Variants in SLC2A5 observed in about 807,000 individuals in gnomAD.
SLC2A5 encodes the protein solute carrier family 2 member 5.
SLC2A5 carries 56 observed loss-of-function variants against 50.3 expected under a neutral mutation model. The ratio of observed to expected loss-of-function variants is 1.11; its 90% confidence interval spans 0.90 to 1.39. The LOEUF is 1.39. Among genes scored for constraint, SLC2A5 ranks in the 40% most tolerant of loss-of-function variants. The pLI is 0.00. For missense variants in SLC2A5, 566 were observed against 650.1 expected, an observed-to-expected ratio of 0.87 and a Z score of 1.41; for synonymous variants, 269 against 281.9, an observed-to-expected ratio of 0.95 and a Z score of 0.46.
intron 2 of SLC2A5, among the ~76,000 whole-genome samples, chr1:9,077,080 C>G (rs536500993): frequency 1.3e-5 from 2 of 150,760 alleles, no homozygotes; most frequent in South Asian, 4.2e-4. Flanking sequence ...AGCCACCATG[C>G]CAAGCCTTAC....
At chr1:9,069,761 C>G, upstream of SLC2A5, 1 of 577,972 alleles carries the variant, frequency 1.7e-6, no homozygotes, top group Middle Eastern at 3.4e-4. Context: ...TAAGTGGGTG[C>G]CCCCTGGGGA....
chr1:9,069,422 C>T, intron 1 of SLC2A5, 82 bp downstream of exon 1: 1 of 1,430,504 alleles, frequency 7.0e-7, no homozygotes, highest in South Asian at 1.2e-5. Flanking sequence ...ACCAGGAGCC[C>T]CCCAGCGACT....
chr1:9,049,654 G>A (rs1481892048), intron 3 of SLC2A5, among the ~76,000 whole-genome samples: 2 of 150,090 alleles, frequency 1.3e-5, no homozygotes, highest in Non-Finnish European at 2.9e-5. Flanking sequence ...AGTGAGCCGA[G>A]ATGGCCCCAC....
In SLC2A5 at chr1:9,040,212, G is replaced by T; in HGVS notation, c.572-23C>A. The T allele has an allele frequency of 6.5e-7, 1 of 1,542,302 alleles. No homozygotes were observed. Reference sequence around the variant, plus strand: ...AGCCTGGGAGGAAGGCAGCGAGCTGGCACCAGCGGCCTCCCCACCACCCCG... The same window carrying T: ...AGCCTGGGAGGAAGGCAGCGAGCTGTCACCAGCGGCCTCCCCACCACCCCG... On this transcript the variant is annotated intron_variant, in intron 5 of 11. Transcript: ENST00000377424. The surrounding 1 kb of genome is among the most constrained non-coding windows in gnomAD (Gnocchi z 4.3).
chr1:9,054,837 T>A (rs952679768), intron 3 of SLC2A5, among the ~76,000 whole-genome samples: 3 of 152,044 alleles, frequency 2.0e-5, no homozygotes, highest in Admixed American at 1.3e-4. Context: ...GGCAGAAGGA[T>A]CCCTTAAGCC....
Position 9,039,861 on chromosome 1 carries a change from C to A in SLC2A5, c.824G>T (p.Arg275Leu), listed in dbSNP as rs763809145. Residue 275 changes from arginine to leucine, a missense_variant, in exon 7 of 12, where the codon CGC becomes CTC. By Grantham distance (102) the Arg-to-Leu change is moderately radical (BLOSUM62 -2). Coordinates refer to ENST00000377424, the MANE Select transcript of SLC2A5 (RefSeq NM_003039.3). ...GACGATGATGGACAGCAGCTGCCAG[C>A]GCAGCGAGCGCATCCGGAACAGCTT... is the stretch of plus-strand genomic sequence containing the variant. ...VLKLFRMRSL[R>L]WQLLSIIVLM... 42 of 1,611,428 alleles carry A rather than the reference C, an allele frequency of 2.6e-5. No individual in the cohort carries two copies. Among genetic ancestry groups the A allele is most frequent in the Non-Finnish European group, 3.5e-5 (41 of 1,179,318 alleles).
At chr1:9,058,029 G>T in intron 2 of SLC2A5, 123 bp downstream of exon 2, 1 of 698,164 alleles carries the variant, frequency 1.4e-6, no homozygotes, top group South Asian at 1.7e-5. Context: ...GTGTCCGGAG[G>T]GTGTTTCCCT....
chr1:9,078,181 C>T (rs1011169566), intron 2 of SLC2A5, among the ~76,000 whole-genome samples: 18 of 152,056 alleles, frequency 1.2e-4, no homozygotes, highest in Admixed American at 7.2e-4. Context: ...GTGGGAATGT[C>T]TCTTAGCATG....
chr1:9,052,113 G>A (rs1010381916), intron 3 of SLC2A5, among the ~76,000 whole-genome samples: 9 of 152,188 alleles, frequency 5.9e-5, no homozygotes, highest in South Asian at 4.1e-4. Flanking sequence ...GTGAAACCCC[G>A]TCTCTACTAA....
At chr1:9,061,564 C>T (rs765618) in intron 1 of SLC2A5, among the ~76,000 whole-genome samples, 34,895 of 148,522 alleles carry the variant, frequency 0.23, 4,403 homozygotes, top group Non-Finnish European at 0.29. Context: ...TATGGTTGCA[C>T]CACTGCACTC....
chr1:9,075,272 G>A lies in SLC2A5; in HGVS notation c.-58-5678C>T, dbSNP rs188901820. 1.2e-4 allele frequency among the ~76,000 whole-genome samples: 19 copies of A among 152,138 alleles called. No individual in the cohort carries two copies. The East Asian group carries it at 1.9e-3, about 15-fold the overall frequency. ...AACACACATAACTCACAGACTTCCCGTTTCACATCAAACACCTCAATTTAT... is the reference window on the plus strand; with the variant it reads ...AACACACATAACTCACAGACTTCCCATTTCACATCAAACACCTCAATTTAT... On this transcript the variant is annotated intron_variant, in intron 2 of 5. Coordinates refer to the SLC2A5 transcript ENST00000464985.
intron 4 of SLC2A5, among the ~76,000 whole-genome samples, chr1:9,045,796 G>T (rs940272364): frequency 6.6e-6 from 1 of 151,496 alleles, no homozygotes; most frequent in African/African-American, 2.4e-5. Context: ...GTTGAACCCG[G>T]GAGGCAGAGG....
At chr1:9,082,001 G>A (rs1172243686) in intron 2 of SLC2A5, among the ~76,000 whole-genome samples, 1 of 152,160 alleles carries the variant, frequency 6.6e-6, no homozygotes, top group Non-Finnish European at 1.5e-5. Context: ...AGAATTGCTT[G>A]AACCCAGGAG....
At chr1:9,069,473 C>G (rs755514185) in intron 1 of SLC2A5, 31 bp downstream of exon 1, 1 of 1,613,216 alleles carries the variant, frequency 6.2e-7, no homozygotes, top group Non-Finnish European at 8.5e-7. Context: ...CAAGCCTGCT[C>G]TTGGCCCCTT....
chr1:9,078,827 C>A (rs984690438), intron 2 of SLC2A5, among the ~76,000 whole-genome samples: 1 of 152,170 alleles, frequency 6.6e-6, no homozygotes, highest in African/African-American at 2.4e-5. Flanking sequence ...ATTTTGCGAA[C>A]CTCACAGGGC....
chr1:9,087,014 A>G (rs557000308), intron 1 of SLC2A5, among the ~76,000 whole-genome samples: 2 of 152,252 alleles, frequency 1.3e-5, no homozygotes, highest in South Asian at 2.1e-4. Context: ...CAACCCCACA[A>G]TAAACTTTCC....
chr1:9,083,760 G>T (rs1335063102), intron 2 of SLC2A5, among the ~76,000 whole-genome samples: 1 of 152,122 alleles, frequency 6.6e-6, no homozygotes, highest in Non-Finnish European at 1.5e-5. Context: ...AGGAGGTGGA[G>T]GTTGCAGTGA....
chr1:9,044,249 T>C (rs1167163787), intron 4 of SLC2A5, among the ~76,000 whole-genome samples: 4 of 151,880 alleles, frequency 2.6e-5, no homozygotes, highest in Non-Finnish European at 4.4e-5. Flanking sequence ...AAGAATTGCT[T>C]GAACTTAGCA....
chr1:9,090,560 TG>T (rs1342947532), upstream of SLC2A5, among the ~76,000 whole-genome samples: 2 of 152,370 alleles, frequency 1.3e-5, no homozygotes, highest in East Asian at 3.9e-4. Flanking sequence ...ACTCCGCTTT[TG>T]TTCCTGTTTA....
Sources: gnomAD v4.1 joint callset for allele counts (sites outside exome capture counted in the v4.1 genomes callset) on GRCh38, gnomAD v4.1.1 for gene constraint, Gnocchi (gnomAD v3.1) non-coding constraint, MANE v1.5 for transcripts, NCBI Gene and HGNC (gene_info 2026-07-23, HGNC 2026-07-21) for gene names.